The following LRBA variants were observed in gnomAD, a reference collection of about 807,000 sequenced individuals.
The protein encoded by LRBA is LPS responsive beige-like anchor protein.
Under a neutral mutation model 330.0 loss-of-function variants are expected in LRBA, and 176 were observed. That is an observed-to-expected ratio of 0.53 (90% CI 0.47 to 0.60). The LOEUF is 0.60. Among genes scored for constraint, LRBA ranks in the 20% least tolerant of loss-of-function variants. The probability of loss-of-function intolerance (pLI) is 0.00; values close to 1 mark genes in which losing one functional copy is unlikely to be tolerated. For missense variants in LRBA, 3,259 were observed against 3,444.8 expected (o/e 0.95, Z 1.35); for synonymous variants, 1,230 against 1,193.0 (o/e 1.03, Z -0.64).
intron 52 of LRBA, among the ~76,000 whole-genome samples, chr4:150,307,486 A>G (rs1730505292): frequency 6.6e-6 from 1 of 152,072 alleles, no homozygotes; most frequent in South Asian, 2.1e-4. Context: ...TATGAAGTCC[A>G]AAAGAATATT....
At chr4:150,618,834 GTATA>G (rs895445868) in intron 37 of LRBA, among the ~76,000 whole-genome samples, 1 of 115,698 alleles carries the variant, frequency 8.6e-6, no homozygotes, top group Admixed American at 1.1e-4. Context: ...CATATATTAT[GTATA>G]TGTGTGTATG....
chr4:150,474,298 T>C (rs1157361759), intron 42 of LRBA, among the ~76,000 whole-genome samples: 2 of 152,198 alleles, frequency 1.3e-5, no homozygotes, highest in African/African-American at 4.8e-5. Context: ...GATTTATTTC[T>C]GTATTGTCAA....
At chr4:150,724,903 T>TACATATATATATGTATATATATAC (rs1553946795) in intron 36 of LRBA, among the ~76,000 whole-genome samples, 1 of 145,532 alleles carries the variant, frequency 6.9e-6, no homozygotes, top group African/African-American at 2.5e-5. Context: ...TGTATATATA[T>TACATATATATATGTATATATATAC]ACACACACAC....
intron 44 of LRBA, among the ~76,000 whole-genome samples, chr4:150,445,725 T>C (rs1752541894): frequency 6.6e-6 from 1 of 152,140 alleles, no homozygotes; most frequent in African/African-American, 2.4e-5. Flanking sequence ...CATGCAGTGA[T>C]ACAGCCATAG....
intron 30 of LRBA, among the ~76,000 whole-genome samples, chr4:150,826,564 A>G (rs181784684): frequency 6.6e-6 from 1 of 152,254 alleles, no homozygotes; most frequent in East Asian, 1.9e-4. Flanking sequence ...CTTTTTCTGG[A>G]TTGGTTCTAT....
At chr4:150,503,444 G>T (rs1379003095) in intron 40 of LRBA, among the ~76,000 whole-genome samples, 1 of 152,142 alleles carries the variant, frequency 6.6e-6, no homozygotes, top group Non-Finnish European at 1.5e-5. Context: ...CGCAAACAGG[G>T]TCTGGAGTGG....
At chr4:150,525,673 A>T (rs1291503576) in intron 40 of LRBA, among the ~76,000 whole-genome samples, 1 of 152,202 alleles carries the variant, frequency 6.6e-6, no homozygotes, top group Non-Finnish European at 1.5e-5. Flanking sequence ...AAGGATAGAA[A>T]TATTTCACAA....
intron 47 of LRBA, among the ~76,000 whole-genome samples, chr4:150,395,533 T>A (rs546302396): frequency 8.9e-4 from 135 of 152,276 alleles, no homozygotes; most frequent in Non-Finnish European, 1.3e-3. Context: ...TTTCCTAGCT[T>A]GAGTCCGATA....
At chr4:150,977,062 C>T (rs905416802) in intron 2 of LRBA, among the ~76,000 whole-genome samples, 8 of 152,180 alleles carry the variant, frequency 5.3e-5, no homozygotes, top group Non-Finnish European at 1.2e-4. Flanking sequence ...AATTCCTAGG[C>T]AAGTCCTAGC....
At chr4:150,281,575 A>C (rs1747540225) in intron 55 of LRBA, among the ~76,000 whole-genome samples, 1 of 152,180 alleles carries the variant, frequency 6.6e-6, no homozygotes, top group Admixed American at 6.5e-5. Context: ...AATAGCAATG[A>C]GTGAAATATC....
chr4:150,981,988 G>A (rs1342046564), intron 2 of LRBA, among the ~76,000 whole-genome samples: 2 of 150,042 alleles, frequency 1.3e-5, no homozygotes, highest in East Asian at 3.9e-4. Context: ...AAAGTAACCT[G>A]TTTCATAGTT....
chr4:150,817,036 C>T, intron 31 of LRBA, 88 bp downstream of exon 31: 1 of 1,171,846 alleles, frequency 8.5e-7, no homozygotes, highest in South Asian at 1.3e-5. Flanking sequence ...CTAATGTGCC[C>T]CCAAATTTTA....
At chr4:150,828,673 A>G (rs769547898) in intron 29 of LRBA, 52 bp from the exon 30 acceptor site, 1 of 1,468,788 alleles carries the variant, frequency 6.8e-7, no homozygotes. Context: ...TTTAGAACTA[A>G]TTTTTAAAAG....
In LRBA at chr4:150,693,273, T is replaced by C. The variant is rs183470575; in HGVS notation, c.5755-9556A>G. Among the ~76,000 whole-genome samples the C allele has an allele frequency of 5.4e-3, 827 of 152,258 alleles. 4 individuals carry two copies. Among genetic ancestry groups the C allele is most frequent in the Non-Finnish European group, 8.3e-3 (566 of 68,004 alleles). ...ATTCCATTTATATAAGGGTCAAAAA[T>C]TGGGCAAGGGCCGGGCGCGGTGGCT... On this transcript the variant is annotated intron_variant, in intron 36 of 56. Coordinates refer to ENST00000651943, the MANE Select transcript of LRBA (RefSeq NM_001364905.1).
intron 36 of LRBA, among the ~76,000 whole-genome samples, chr4:150,686,602 G>T (rs866034653): frequency 6.6e-6 from 1 of 152,012 alleles, no homozygotes; most frequent in Non-Finnish European, 1.5e-5. Flanking sequence ...CAAATAGTAC[G>T]AAATGACAGA....
chr4:150,683,905 G>A (rs895331488), intron 36 of LRBA, 188 bp from the exon 37 acceptor site: 12 of 536,840 alleles, frequency 2.2e-5, no homozygotes, highest in African/African-American at 1.5e-4. Flanking sequence ...TTACTTCTGT[G>A]AAGTCAATCA....
intron 37 of LRBA, among the ~76,000 whole-genome samples, chr4:150,618,619 C>G (rs1183461963): frequency 6.6e-6 from 1 of 151,888 alleles, no homozygotes; most frequent in Non-Finnish European, 1.5e-5. Flanking sequence ...TAGTTGCACC[C>G]TCTCAAGAAC....
At chr4:150,458,341 T>G (rs1322488115) in intron 44 of LRBA, among the ~76,000 whole-genome samples, 10 of 151,902 alleles carry the variant, frequency 6.6e-5, no homozygotes, top group Admixed American at 5.9e-4. Context: ...TTCCTGAACT[T>G]AGTATTAAAT....
intron 47 of LRBA, among the ~76,000 whole-genome samples, chr4:150,410,792 GGC>G (rs1456634040): frequency 6.6e-6 from 1 of 151,986 alleles, no homozygotes; most frequent in Non-Finnish European, 1.5e-5. Context: ...TGTATCTTTT[GGC>G]TAAAACAAAA....
Sources: allele counts gnomAD v4.1 joint callset (sites outside exome capture counted in the v4.1 genomes callset), GRCh38; gene constraint gnomAD v4.1.1; transcripts MANE v1.5; gene names NCBI Gene and HGNC (gene_info 2026-07-23, HGNC 2026-07-21).